Variants in DEPTOR observed in about 807,000 individuals in gnomAD.
DEPTOR encodes the protein DEP domain-containing mTOR-interacting protein.
In DEPTOR, 41 loss-of-function variants were observed where a neutral mutation model predicts 41.6. The observed-to-expected ratio is 0.98, with a 90% CI of 0.77 to 1.28. DEPTOR has a LOEUF of 1.28. Among genes scored for constraint, DEPTOR ranks in the 50% most tolerant of loss-of-function variants. The pLI is 0.00. For missense variants in DEPTOR, 514 were observed against 527.9 expected (o/e 0.97, Z 0.26); for synonymous variants, 195 against 192.3 (o/e 1.01, Z -0.12).
intron 2 of DEPTOR, among the ~76,000 whole-genome samples, chr8:119,929,217 C>T (rs1371716296): frequency 2.0e-5 from 3 of 152,132 alleles, no homozygotes; most frequent in Non-Finnish European, 2.9e-5. Flanking sequence ...ATCCTGGCCT[C>T]GACCTTTGCA....
At chr8:119,959,256 G>A (rs1351937506) in intron 3 of DEPTOR, among the ~76,000 whole-genome samples, 1 of 141,132 alleles carries the variant, frequency 7.1e-6, no homozygotes, top group African/African-American at 2.7e-5. Context: ...TCCGCCTCCC[G>A]GGCTCACGCC....
At chr8:119,960,011 C>T (rs536136794) in intron 3 of DEPTOR, among the ~76,000 whole-genome samples, 138 of 152,036 alleles carry the variant, frequency 9.1e-4, no homozygotes, top group African/African-American at 3.1e-3. Flanking sequence ...GGGCAGATCA[C>T]GAGGTCAGAA....
At chr8:119,977,760 C>A (rs1452971721) in intron 4 of DEPTOR, among the ~76,000 whole-genome samples, 1 of 152,096 alleles carries the variant, frequency 6.6e-6, no homozygotes, top group Non-Finnish European at 1.5e-5. Context: ...ATACAGGATG[C>A]CTTATCTTAT....
chr8:119,945,525 C>T (rs139871691), intron 3 of DEPTOR, among the ~76,000 whole-genome samples: 14 of 152,344 alleles, frequency 9.2e-5, no homozygotes, highest in Non-Finnish European at 1.9e-4. Context: ...GCTTTCAATA[C>T]TCCATTTGCT....
intron 8 of DEPTOR, among the ~76,000 whole-genome samples, chr8:120,026,563 G>A (rs992853379): frequency 6.6e-6 from 1 of 151,874 alleles, no homozygotes. Flanking sequence ...GGCTGGTGTC[G>A]AACTCCTGAC....
At chr8:119,991,623 A>G (rs2139435) in intron 4 of DEPTOR, among the ~76,000 whole-genome samples, 107,145 of 152,066 alleles carry the variant, frequency 0.7, 37,863 homozygotes, top group Middle Eastern at 0.8. Flanking sequence ...TGGCTTGGCT[A>G]TTGTTTCCTT....
At chr8:120,025,435 TGA>T (rs1021284431) in intron 8 of DEPTOR, among the ~76,000 whole-genome samples, 1 of 152,136 alleles carries the variant, frequency 6.6e-6, no homozygotes, top group East Asian at 1.9e-4. Flanking sequence ...GGAGAGCCTG[TGA>T]GAGAGAGAGA....
At chr8:119,967,124 G>A (rs1233667591) in intron 4 of DEPTOR, among the ~76,000 whole-genome samples, 2 of 151,814 alleles carry the variant, frequency 1.3e-5, no homozygotes, top group African/African-American at 4.8e-5. Flanking sequence ...TGTCACCCAG[G>A]CTGGAGTGCA....
chr8:119,917,146 A>G (rs1827824761), intron 1 of DEPTOR, among the ~76,000 whole-genome samples: 2 of 152,194 alleles, frequency 1.3e-5, no homozygotes, highest in Non-Finnish European at 2.9e-5. Flanking sequence ...TTTCGTCTTC[A>G]AAGTATCTTT....
chr8:119,893,575 T>A (rs1276558819), intron 1 of DEPTOR, among the ~76,000 whole-genome samples: 3 of 152,162 alleles, frequency 2.0e-5, no homozygotes. Flanking sequence ...GTGCCTGTAA[T>A]CCCAGCTCTT....
intron 3 of DEPTOR, among the ~76,000 whole-genome samples, chr8:119,945,406 T>C (rs1338563751): frequency 1.3e-5 from 2 of 152,204 alleles, no homozygotes; most frequent in Non-Finnish European, 2.9e-5. Flanking sequence ...CCTTCCTAAG[T>C]ATTTTTTACA....
rs1372886990 is a variant in DEPTOR at position 119,943,986 on chromosome 8, C to T, written c.425+14048C>T. On this transcript the variant is annotated intron_variant, in intron 3 of 8. Transcript: ENST00000286234. ...CCGAGTAGCTGGGACTACAGGCGCC[C>T]GCCACCATGCCCGGATAATTTTTTG... Among the ~76,000 whole-genome samples, 14 of 152,018 alleles carry T rather than the reference C, an allele frequency of 9.2e-5. No individual in the cohort carries two copies. In the East Asian group the frequency reaches 9.7e-4, roughly 10 times the overall value.
intron 8 of DEPTOR, among the ~76,000 whole-genome samples, chr8:120,030,847 G>A (rs1812880710): frequency 6.6e-6 from 1 of 151,990 alleles, no homozygotes; most frequent in Non-Finnish European, 1.5e-5. Context: ...CCAGGCTAGA[G>A]TGCAGTGGCT....
At chr8:119,977,736 A>G (rs972140579) in intron 4 of DEPTOR, among the ~76,000 whole-genome samples, 1 of 152,210 alleles carries the variant, frequency 6.6e-6, no homozygotes, top group Non-Finnish European at 1.5e-5. Context: ...AACTTTTCAG[A>G]AAGTATGAAA....
chr8:119,912,231 A>G (rs1376690672), intron 1 of DEPTOR, among the ~76,000 whole-genome samples: 3 of 152,168 alleles, frequency 2.0e-5, no homozygotes, highest in African/African-American at 7.2e-5. Flanking sequence ...TTGGGCTAAA[A>G]TTGGAAGAGG....
chr8:119,952,913 C>G (rs575042132), intron 3 of DEPTOR, among the ~76,000 whole-genome samples: 206 of 152,264 alleles, frequency 1.4e-3, no homozygotes, highest in African/African-American at 4.6e-3. Flanking sequence ...ACTGTTTCTT[C>G]CCTTGTTCCT....
At chr8:119,946,023 G>T (rs1167546881) in intron 3 of DEPTOR, among the ~76,000 whole-genome samples, 3 of 152,076 alleles carry the variant, frequency 2.0e-5, no homozygotes, top group South Asian at 2.1e-4. Flanking sequence ...CGGTTGGTCG[G>T]GCGCTTTGTT....
At position 120,034,255 on chromosome 8, in the gene DEPTOR, C is replaced by T. The variant is rs181278252; in HGVS notation, c.1102-15321C>T. ...ATAGTGGTATAACTGTGTGTCTCTG[C>T]AAAGCATGTACACACACACACACAC... On this transcript the variant is annotated intron_variant, in intron 8 of 8. Transcript: ENST00000286234. Among the ~76,000 whole-genome samples the T allele has an allele frequency of 3.3e-3, 368 of 113,084 alleles. 2 individuals are homozygous for T. The highest frequency in any genetic ancestry group is 0.013 in the Middle Eastern group (3 of 232). 74.2% of individuals were successfully genotyped at this position (113,084 alleles called of 152,430 possible).
Position 119,918,938 on chromosome 8 carries a change from A to AGTGTGTGTGT in DEPTOR, c.123-9443_123-9434dup, listed in dbSNP as rs751715374. 9.9e-3 allele frequency among the ~76,000 whole-genome samples: 1,327 copies of AGTGTGTGTGT among 133,542 alleles called. 17 individuals are homozygous for AGTGTGTGTGT. The highest frequency in any genetic ancestry group is 0.046 in the South Asian group (176 of 3,804). The allele number at this position is 133,542 out of a possible 152,430, so 87.6% of individuals were successfully genotyped here. On this transcript the variant is annotated intron_variant, in intron 1 of 8. Transcript: ENST00000286234. ...GGTTACTGCAGCTATTTGCATAGTGAGTGTGTGTGTGTGTGTGTGTGTGTG... is the reference window on the plus strand; with the variant it reads ...GGTTACTGCAGCTATTTGCATAGTGAGTGTGTGTGTGTGTGTGTGTGTGTGTGTGTGTGTG...
Sources: allele counts gnomAD v4.1 joint callset (sites outside exome capture counted in the v4.1 genomes callset), GRCh38; gene constraint gnomAD v4.1.1; transcripts MANE v1.5; gene names NCBI Gene and HGNC (gene_info 2026-07-23, HGNC 2026-07-21).